HDAC9: variants seen among roughly 807,000 people sequenced by gnomAD.
HDAC9 encodes the protein MEF-2 interacting transcription repressor (MITR) protein.
Under a neutral mutation model 139.4 loss-of-function variants are expected in HDAC9, and 41 were observed. The observed-to-expected ratio is 0.29, with a 90% CI of 0.23 to 0.38. The LOEUF (loss-of-function observed/expected upper bound fraction) is 0.38. Among genes scored for constraint, HDAC9 ranks in the 10% least tolerant of loss-of-function variants. HDAC9 has a pLI of 1.00. For missense variants in HDAC9, 1,147 were observed against 1,297.0 expected, an observed-to-expected ratio of 0.88 and a Z score of 1.78; for synonymous variants, 517 against 476.2, an observed-to-expected ratio of 1.09 and a Z score of -1.12.
intron 25 of HDAC9, among the ~76,000 whole-genome samples, chr7:18,981,305 C>A (rs2129341857): frequency 6.6e-6 from 1 of 152,326 alleles, no homozygotes; most frequent in East Asian, 1.9e-4. Flanking sequence ...TCTTTCAACA[C>A]TTTCTGATTA....
At chr7:18,176,585 G>T (rs1283183771) in intron 2 of HDAC9, among the ~76,000 whole-genome samples, 3 of 152,062 alleles carry the variant, frequency 2.0e-5, no homozygotes, top group African/African-American at 7.2e-5. Flanking sequence ...ATTATAATTA[G>T]AGATTTTTTT....
chr7:18,126,719 T>G (rs1411826004), intron 1 of HDAC9, among the ~76,000 whole-genome samples: 1 of 152,162 alleles, frequency 6.6e-6, no homozygotes, highest in Non-Finnish European at 1.5e-5. Flanking sequence ...AATCATTCTG[T>G]GGAAACTACC....
intron 2 of HDAC9, among the ~76,000 whole-genome samples, chr7:18,282,035 G>A (rs1797138251): frequency 1.3e-5 from 2 of 152,092 alleles, no homozygotes; most frequent in South Asian, 2.1e-4. Context: ...AAACTATATA[G>A]TAAAGCGTTT....
chr7:18,177,217 G>T (rs1584478614), intron 2 of HDAC9, among the ~76,000 whole-genome samples: 1 of 152,208 alleles, frequency 6.6e-6, no homozygotes, highest in African/African-American at 2.4e-5. Flanking sequence ...GAAGGGAAAT[G>T]AAGGGAAATT....
At chr7:18,426,268 A>G (rs1367287369) in intron 1 of HDAC9, among the ~76,000 whole-genome samples, 1 of 152,206 alleles carries the variant, frequency 6.6e-6, no homozygotes, top group Admixed American at 6.5e-5. Context: ...AGCAGCTGCT[A>G]TGCAAGTCAT....
At chr7:18,971,726 T>C (rs6968777) in intron 24 of HDAC9, among the ~76,000 whole-genome samples, 45,990 of 152,132 alleles carry the variant, frequency 0.3, 8,198 homozygotes, top group Non-Finnish European at 0.4. Flanking sequence ...CCAAATATAA[T>C]TTAAAGTTTT....
intron 1 of HDAC9, among the ~76,000 whole-genome samples, chr7:18,334,250 A>T (rs771303203): frequency 1.3e-5 from 2 of 151,454 alleles, no homozygotes; most frequent in African/African-American, 2.4e-5. Context: ...AATTTTTATG[A>T]CTTTATAGGC....
intron 8 of HDAC9, among the ~76,000 whole-genome samples, chr7:18,639,492 A>G (rs1366541315): frequency 6.6e-6 from 1 of 152,064 alleles, no homozygotes; most frequent in African/African-American, 2.4e-5. Flanking sequence ...TGGTCTCACA[A>G]TATGTCTCAC....
At chr7:18,184,599 G>T (rs1400234887) in intron 2 of HDAC9, among the ~76,000 whole-genome samples, 3 of 152,076 alleles carry the variant, frequency 2.0e-5, no homozygotes, top group Non-Finnish European at 2.9e-5. Flanking sequence ...GCATCATGTT[G>T]GTGTTCAAAA....
chr7:18,135,618 C>T (rs1785347182), intron 1 of HDAC9, among the ~76,000 whole-genome samples: 1 of 135,262 alleles, frequency 7.4e-6, no homozygotes, highest in African/African-American at 3.0e-5. Context: ...CATGTCCCTA[C>T]AAAGGACATG....
At chr7:18,553,797 T>G (rs1817879080) in intron 2 of HDAC9, among the ~76,000 whole-genome samples, 1 of 152,188 alleles carries the variant, frequency 6.6e-6, no homozygotes, top group African/African-American at 2.4e-5. Flanking sequence ...CAGCCCCTTA[T>G]GTTCTGGTAA....
At chr7:18,306,735 A>G (rs2128619918) in intron 1 of HDAC9, among the ~76,000 whole-genome samples, 1 of 152,204 alleles carries the variant, frequency 6.6e-6, no homozygotes, top group South Asian at 2.1e-4. Context: ...AGACTTTAAG[A>G]TTTCTACAGT....
chr7:18,315,854 G>A (rs531864635), intron 1 of HDAC9, among the ~76,000 whole-genome samples: 70 of 152,222 alleles, frequency 4.6e-4, no homozygotes, highest in Non-Finnish European at 8.5e-4. Context: ...CAAACTGGGT[G>A]TCTGCACTGA....
chr7:18,908,679 C>A (rs1021239717), intron 22 of HDAC9, among the ~76,000 whole-genome samples: 1 of 151,982 alleles, frequency 6.6e-6, no homozygotes, highest in Non-Finnish European at 1.5e-5. Flanking sequence ...TTTTACTTAA[C>A]ATAATGTTCT....
intron 2 of HDAC9, among the ~76,000 whole-genome samples, chr7:18,214,021 T>A (rs760518655): frequency 1.3e-5 from 2 of 152,084 alleles, no homozygotes; most frequent in Non-Finnish European, 2.9e-5. Flanking sequence ...TAAACATCAT[T>A]ATAATAGTAG....
At chr7:18,149,506 C>T (rs1786598810) in intron 1 of HDAC9, among the ~76,000 whole-genome samples, 2 of 150,200 alleles carry the variant, frequency 1.3e-5, no homozygotes, top group African/African-American at 4.9e-5. Context: ...CAGGCACGTA[C>T]CACCATGCAT....
At chr7:18,927,388 A>G (rs991040328) in intron 22 of HDAC9, among the ~76,000 whole-genome samples, 10 of 152,126 alleles carry the variant, frequency 6.6e-5, no homozygotes, top group Non-Finnish European at 1.3e-4. Context: ...TGAGACTGCC[A>G]CATGCTACCC....
chr7:18,312,188 A>G (rs1414973839), intron 1 of HDAC9, among the ~76,000 whole-genome samples: 2 of 152,166 alleles, frequency 1.3e-5, no homozygotes, highest in Non-Finnish European at 2.9e-5. Context: ...TGATTTAAAA[A>G]TATGTGTCAG....
intron 1 of HDAC9, among the ~76,000 whole-genome samples, chr7:18,315,666 C>T (rs981479931): frequency 4.6e-5 from 7 of 152,166 alleles, no homozygotes; most frequent in Admixed American, 3.9e-4. Flanking sequence ...TAAATTCATC[C>T]CCCTTTGGTG....
Sources: allele counts gnomAD v4.1 joint callset (sites outside exome capture counted in the v4.1 genomes callset), GRCh38; gene constraint gnomAD v4.1.1; transcripts MANE v1.5; gene names NCBI Gene and HGNC (gene_info 2026-07-23, HGNC 2026-07-21).